Variants in ODF2L observed in about 807,000 individuals in gnomAD.
The protein encoded by ODF2L is outer dense fiber of sperm tails 2 like, also known as protein BCAP.
In ODF2L, 76 loss-of-function variants were observed where a neutral mutation model predicts 86.3. The observed-to-expected ratio is 0.88, with a 90% confidence interval of 0.73 to 1.07. The LOEUF is 1.07. Ranked by LOEUF, ODF2L falls within the 50% of genes least tolerant of loss-of-function variation. The pLI is 0.00. For missense variants in ODF2L, 748 were observed against 717.4 expected (o/e 1.04, Z -0.49); for synonymous variants, 241 against 231.3 (o/e 1.04, Z -0.38).
intron 16 of ODF2L, 78 bp from the exon 16 acceptor site, chr1:86,353,062 C>T (rs180751621): frequency 1.1e-6 from 1 of 928,054 alleles, no homozygotes; most frequent in Admixed American, 2.6e-5. Context: ...TATATTGTAC[C>T]TTTTTTCTAA....
chr1:86,358,859 T>C lies in ODF2L; in HGVS notation c.1287A>G (p.Val429=), dbSNP rs970400276. The C allele has an allele frequency of 1.9e-6, 3 of 1,552,394 alleles. No homozygotes were observed. In the African/African-American group the frequency reaches 4.1e-5, roughly 21 times the overall value. Residue 429 remains valine (V), a synonymous_variant, in exon 13 of 18, where the codon GTA becomes GTG. Transcript: ENST00000317336. ...GTAGCAAATTTTCACATCTGCTTTTTACTATTTCAGCTGCTTCTTGCAACT... is the reference window on the plus strand; with the variant it reads ...GTAGCAAATTTTCACATCTGCTTTTCACTATTTCAGCTGCTTCTTGCAACT...
downstream of ODF2L, chr1:86,349,068 G>A: frequency 2.6e-6 from 1 of 380,994 alleles, no homozygotes; most frequent in Non-Finnish European, 4.2e-6. Flanking sequence ...CACACACATG[G>A]TTGATCTTCA....
intron 3 of ODF2L, among the ~76,000 whole-genome samples, chr1:86,385,112 A>C (rs2273942): frequency 0.33 from 49,766 of 151,698 alleles, 8,379 homozygotes; most frequent in East Asian, 0.53. Flanking sequence ...AAAAATAGTT[A>C]TCTACTCCAA....
exon 7 of ODF2L, chr1:86,382,304 G>T: frequency 1.2e-6 from 2 of 1,611,456 alleles, no homozygotes; most frequent in Admixed American, 1.7e-5. Flanking sequence ...ATCTGTAGTC[G>T]TTCATGTACT....
At chr1:86,357,944 G>A (rs1369274192) in intron 13 of ODF2L, 1 of 985,230 alleles carries the variant, frequency 1.0e-6, no homozygotes, top group African/African-American at 1.7e-5. Context: ...CAAAAGACAT[G>A]AAATGGTTTA....
intron 13 of ODF2L, chr1:86,357,890 A>C: frequency 1.0e-6 from 1 of 985,190 alleles, no homozygotes; most frequent in African/African-American, 1.7e-5. Context: ...TGCCTAGCAG[A>C]AAAGGAGACA....
chr1:86,393,901 A>C (rs1036901301), intron 1 of ODF2L, among the ~76,000 whole-genome samples: 2 of 152,228 alleles, frequency 1.3e-5, no homozygotes, highest in Non-Finnish European at 2.9e-5. Flanking sequence ...TTTACTGTTT[A>C]AACTCGGACA....
intron 13 of ODF2L, 67 bp from the exon 13 acceptor site, chr1:86,356,669 A>C (rs913326412): frequency 3.0e-6 from 4 of 1,354,858 alleles, no homozygotes; most frequent in Middle Eastern, 1.9e-4. Context: ...TTATTATCTT[A>C]AATACTAGAT....
intron 17 of ODF2L, chr1:86,352,261 AT>A: frequency 7.0e-7 from 1 of 1,426,786 alleles, no homozygotes; most frequent in South Asian, 1.6e-5. Flanking sequence ...GTAGACAGTT[AT>A]TACGTAATTT....
intron 12 of ODF2L, 60 bp downstream of exon 11, chr1:86,360,366 A>G (rs1658941358): frequency 1.3e-6 from 1 of 761,414 alleles, no homozygotes; most frequent in South Asian, 1.6e-5. Context: ...GATTACAAAG[A>G]AATAGTGTTT....
chr1:86,377,845 C>T (rs1660284391), intron 7 of ODF2L, among the ~76,000 whole-genome samples: 1 of 152,222 alleles, frequency 6.6e-6, no homozygotes. Context: ...GGAGGGACTG[C>T]CATGAAGACC....
Position 86,383,010 on chromosome 1 carries a change from A to G in ODF2L, c.436-8T>C. On this transcript the variant is annotated splice_polypyrimidine_tract_variant and splice_region_variant and intron_variant, in intron 5 of 17. Coordinates refer to ENST00000317336, the Ensembl canonical transcript of ODF2L. ...TACCTTCTTCTTAAGATTCTTGAGC[A>G]AATATAAAATAAGAATTAGGAATTT... is the stretch of plus-strand genomic sequence containing the variant. The G allele has an allele frequency of 6.9e-7, 1 of 1,440,986 alleles. No homozygotes were observed. Among genetic ancestry groups the G allele is most frequent in the Non-Finnish European group, 9.8e-7 (1 of 1,025,118 alleles). 89.3% of individuals were successfully genotyped at this position (1,440,986 alleles called of 1,614,324 possible).
intron 11 of ODF2L, among the ~76,000 whole-genome samples, chr1:86,362,271 A>ATT (rs367986336): frequency 3.4e-5 from 5 of 145,634 alleles, no homozygotes; most frequent in Non-Finnish European, 7.6e-5. Context: ...ATCTGACTAA[A>ATT]TTTTTTTTTT....
intron 6 of ODF2L, among the ~76,000 whole-genome samples, 186 bp from the exon 7 acceptor site, chr1:86,382,544 T>TC (rs1271198498): frequency 6.6e-6 from 1 of 151,988 alleles, no homozygotes; most frequent in East Asian, 1.9e-4. Context: ...CTAAGTTTTA[T>TC]CCCCCAACAT....
intron 17 of ODF2L, chr1:86,352,279 G>T: frequency 7.2e-7 from 1 of 1,394,326 alleles, no homozygotes; most frequent in South Asian, 1.7e-5. Flanking sequence ...ATTTAATCAT[G>T]AGTAATGCTA....
intron 14 of ODF2L, chr1:86,356,048 GA>G: frequency 4.6e-6 from 1 of 219,554 alleles, no homozygotes. Flanking sequence ...GAAACAGACT[GA>G]AAAATATCCC....
exon 11 of ODF2L, chr1:86,368,716 A>G: frequency 6.9e-7 from 1 of 1,449,354 alleles, no homozygotes; most frequent in Non-Finnish European, 9.2e-7. Flanking sequence ...CTACATGGGA[A>G]TCTAAGCTAA....
intron 10 of ODF2L, among the ~76,000 whole-genome samples, chr1:86,370,302 T>A (rs1305240944): frequency 1.3e-5 from 2 of 151,894 alleles, no homozygotes; most frequent in African/African-American, 2.4e-5. Flanking sequence ...TTTAGTTAAT[T>A]CTAAATAGAA....
chr1:86,376,494 T>C (rs554826715), intron 7 of ODF2L, 76 bp from the exon 8 acceptor site: 27 of 876,372 alleles, frequency 3.1e-5, no homozygotes, highest in Admixed American at 1.0e-4. Flanking sequence ...AATATGTACA[T>C]AACTGATATG....
Sources: gnomAD v4.1 joint callset for allele counts (sites outside exome capture counted in the v4.1 genomes callset) on GRCh38, gnomAD v4.1.1 for gene constraint, MANE v1.5 for transcripts, NCBI Gene and HGNC (gene_info 2026-07-23, HGNC 2026-07-21) for gene names.